Variants in KCNQ1 observed in about 807,000 individuals in gnomAD.
The protein encoded by KCNQ1 is potassium voltage-gated channel subfamily Q member 1, also known as potassium voltage-gated channel subfamily KQT member 1.
A neutral mutation model predicts 72.4 loss-of-function variants in KCNQ1; 49 were observed. The ratio of observed to expected loss-of-function variants is 0.68; its 90% CI spans 0.54 to 0.86. The LOEUF (loss-of-function observed/expected upper bound fraction) is 0.86, where lower values mean the gene tolerates loss of function less well. Among genes scored for constraint, KCNQ1 ranks in the 40% least tolerant of loss-of-function variants. KCNQ1 has a pLI of 0.00. For synonymous variants in KCNQ1, 450 were observed against 412.6 expected, an observed-to-expected ratio of 1.09 and a Z score of -1.10; for missense variants, 790 against 945.1, an observed-to-expected ratio of 0.84 and a Z score of 2.15.
chr11:2,625,866 GC>G (rs1849253899), intron 10 of KCNQ1: 1 of 398,498 alleles, frequency 2.5e-6, no homozygotes. Context: ...ACCGTGCCTG[GC>G]CCTTTTGCCC....
intron 2 of KCNQ1, among the ~76,000 whole-genome samples, chr11:2,533,879 T>G (rs1026150213): frequency 6.6e-6 from 1 of 152,170 alleles, no homozygotes; most frequent in Non-Finnish European, 1.5e-5. Context: ...AGTCCGCGCC[T>G]TTGGTGGTGA....
At chr11:2,470,620 A>G (rs1464074784) in intron 1 of KCNQ1, among the ~76,000 whole-genome samples, 1 of 150,276 alleles carries the variant, frequency 6.7e-6, no homozygotes, top group Non-Finnish European at 1.5e-5. Flanking sequence ...TACGTATCCA[A>G]CCGCACATCC....
rs1847288541 is a variant in KCNQ1, at chr11:2,516,324, C to A, written c.387-11604C>A. ...TTTAGAGGCGACAGGAGGAGGTGGG[C>A]TTTAAATGGCTCAGTCCCAGCGTCC... is the stretch of plus-strand genomic sequence containing the variant. On this transcript the variant is annotated intron_variant, in intron 1 of 15. Coordinates refer to ENST00000155840, the MANE Select transcript of KCNQ1 (RefSeq NM_000218.3). The surrounding 1 kb of genome is among the most constrained non-coding windows in gnomAD (Gnocchi z 7.0). Among the ~76,000 whole-genome samples, 1 of 152,080 alleles carries A rather than the reference C, an allele frequency of 6.6e-6. No homozygotes were observed. Among genetic ancestry groups the A allele is most frequent in the Non-Finnish European group, 1.5e-5 (1 of 68,016 alleles).
intron 11 of KCNQ1, among the ~76,000 whole-genome samples, chr11:2,738,937 G>A (rs1846002554): frequency 6.6e-6 from 1 of 152,232 alleles, no homozygotes; most frequent in African/African-American, 2.4e-5. Context: ...GCGAGGTGCA[G>A]GCTGTCACTC....
At position 2,515,646 on chromosome 11, in the gene KCNQ1, A is replaced by G. The variant is rs1383829957; in HGVS notation, c.387-12282A>G. ...TCCTCACCCTAGGCAGGCCTCTCAC[A>G]GAGACAAGACGAGTGTCCTAGGGCA... On this transcript the variant is annotated intron_variant, in intron 1 of 15. Transcript: ENST00000155840. This position sits in a 1 kb window ranked among gnomAD's most constrained non-coding sequence, Gnocchi z 4.7. 6.6e-6 allele frequency among the ~76,000 whole-genome samples: 1 copy of G among 152,134 alleles called. No individual in the cohort carries two copies. Among genetic ancestry groups the G allele is most frequent in the African/African-American group, 2.4e-5 (1 of 41,408 alleles).
chr11:2,749,941 C>T (rs1420167138), intron 11 of KCNQ1, among the ~76,000 whole-genome samples: 1 of 147,860 alleles, frequency 6.8e-6, no homozygotes, highest in African/African-American at 2.5e-5. Flanking sequence ...GCCTGGGCAA[C>T]AGAGTGAGAC....
intron 1 of KCNQ1, chr11:2,461,497 T>C (rs1481656658): frequency 7.6e-7 from 1 of 1,307,730 alleles, no homozygotes; most frequent in Admixed American, 2.2e-5. Flanking sequence ...GGGAAGGCAC[T>C]GTCTTTGCGC....
rs1436495580 is a variant in KCNQ1, at chr11:2,787,458, A to C, written c.1794+9421A>C. 6.6e-6 allele frequency among the ~76,000 whole-genome samples: 1 copy of C among 152,082 alleles called. No homozygotes were observed. The highest frequency in any genetic ancestry group is 1.5e-5 in the Non-Finnish European group (1 of 68,016). On this transcript the variant is annotated intron_variant, in intron 15 of 15. Coordinates refer to ENST00000155840, the MANE Select transcript of KCNQ1 (RefSeq NM_000218.3). The surrounding 1 kb of genome is among the most constrained non-coding windows in gnomAD (Gnocchi z 6.3). ...CTATTACCTCTGGGGTTCCACTTTC[A>C]CTGAGTTTTCAGCCTCTAACCTCCC... is the stretch of plus-strand genomic sequence containing the variant.
rs1394292945 is a variant in KCNQ1 at position 2,498,230 on chromosome 11, G to C, written c.387-29698G>C. Among the ~76,000 whole-genome samples, 1 of 152,202 alleles carries C rather than the reference G, an allele frequency of 6.6e-6. No individual in the cohort carries two copies. The highest frequency in any genetic ancestry group is 1.5e-5 in the Non-Finnish European group (1 of 68,038). On this transcript the variant is annotated intron_variant, in intron 1 of 15. Coordinates refer to ENST00000155840, the MANE Select transcript of KCNQ1 (RefSeq NM_000218.3). The surrounding 1 kb of genome is among the most constrained non-coding windows in gnomAD (Gnocchi z 4.8). ...GCGAGAATCCCCCTTGTCAGGATCA[G>C]CTGCTCTCTTCAGAGCCAGCAGGCA...
At chr11:2,845,181 C>T (rs1338174534) in intron 15 of KCNQ1, among the ~76,000 whole-genome samples, 2 of 152,198 alleles carry the variant, frequency 1.3e-5, no homozygotes, top group East Asian at 1.9e-4. Flanking sequence ...AAGAACGAGA[C>T]CTCAGGCCGG....
At chr11:2,525,400 C>A (rs1446775260) in intron 1 of KCNQ1, among the ~76,000 whole-genome samples, 1 of 152,228 alleles carries the variant, frequency 6.6e-6, no homozygotes, top group African/African-American at 2.4e-5. Context: ...TCTGCATCCA[C>A]CGCGTGCTAG....
intron 10 of KCNQ1, chr11:2,644,153 G>T: frequency 5.0e-6 from 2 of 398,584 alleles, no homozygotes; most frequent in Non-Finnish European, 8.8e-6. Context: ...AGATTGGGAA[G>T]TGTTCAGGTA....
At chr11:2,842,096 C>T (rs991354516) in intron 15 of KCNQ1, among the ~76,000 whole-genome samples, 1 of 152,174 alleles carries the variant, frequency 6.6e-6, no homozygotes, top group African/African-American at 2.4e-5. Context: ...CAACAGACAC[C>T]AGGGACAGAG....
Position 2,848,466 on chromosome 11 carries a change from C to T in KCNQ1, c.*463C>T, listed in dbSNP as rs1204085942. On this transcript the variant is annotated 3_prime_UTR_variant, in exon 16 of 16. Transcript: ENST00000155840. ...GCACAGGCAGGGCAGGACCAGCCCA[C>T]GCTGACTACAGGGCCGCCGGCAATA... The T allele has an allele frequency of 8.7e-6, 4 of 460,660 alleles. No individual in the cohort carries two copies. Among genetic ancestry groups the T allele is most frequent in the East Asian group, 6.8e-5 (1 of 14,748 alleles). The allele number at this position is 460,660 out of a possible 1,614,324, so 28.5% of individuals were successfully genotyped here.
rs1159457453 is a variant in KCNQ1 at position 2,488,661 on chromosome 11, TA to T, written c.387-39266del. On this transcript the variant is annotated intron_variant, in intron 1 of 15. Coordinates refer to ENST00000155840, the MANE Select transcript of KCNQ1 (RefSeq NM_000218.3). This position sits in a 1 kb window ranked among gnomAD's most constrained non-coding sequence, Gnocchi z 5.1. Reference sequence around the variant, plus strand: ...TACACAATTGTTCACAATACTCTCTTATAATCCTTTTTATTTCTGTAGAATT... The same window carrying T: ...TACACAATTGTTCACAATACTCTCTTTAATCCTTTTTATTTCTGTAGAATT... Among the ~76,000 whole-genome samples, 1 of 152,220 alleles carries T rather than the reference TA, an allele frequency of 6.6e-6. No individual in the cohort carries two copies. The highest frequency in any genetic ancestry group is 1.5e-5 in the Non-Finnish European group (1 of 68,034).
rs1186043440 is a variant in KCNQ1 at position 2,549,186 on chromosome 11, T to C, written c.477+21168T>C. Among the ~76,000 whole-genome samples, 1 of 152,108 alleles carries C rather than the reference T, an allele frequency of 6.6e-6. No individual in the cohort carries two copies. The highest frequency in any genetic ancestry group is 1.5e-5 in the Non-Finnish European group (1 of 68,006). On this transcript the variant is annotated intron_variant, in intron 2 of 15. Transcript: ENST00000155840. This position sits in a 1 kb window ranked among gnomAD's most constrained non-coding sequence, Gnocchi z 6.2. ...ATGATGATGTCTCAACCATGTGGCT[T>C]TAGGTCCCCAGCACGTGCTAGTGGC...
rs1407307591 is a variant in KCNQ1, at chr11:2,695,756, A to C, written c.1514+33675A>C. The C allele has an allele frequency of 2.5e-6, 1 of 398,546 alleles. No homozygotes were observed. Among genetic ancestry groups the C allele is most frequent in the Non-Finnish European group, 4.4e-6 (1 of 226,080 alleles). The allele number at this position is 398,546 out of a possible 1,614,324, so 24.7% of individuals were successfully genotyped here. On this transcript the variant is annotated intron_variant, in intron 11 of 15. Coordinates refer to ENST00000155840, the MANE Select transcript of KCNQ1 (RefSeq NM_000218.3). This position sits in a 1 kb window ranked among gnomAD's most constrained non-coding sequence, Gnocchi z 5.2. ...GGAGGCTTGTTCCTTGCCTTCTGCC[A>C]ACACTTGGCCTTATCCTACTTTCTA...
intron 6 of KCNQ1, 87 bp from the exon 7 acceptor site, chr11:2,583,348 C>A: frequency 1.1e-6 from 1 of 908,232 alleles, no homozygotes; most frequent in Non-Finnish European, 1.9e-6. Flanking sequence ...CCTCTCCGCT[C>A]ATCAGAGTGG....
intron 15 of KCNQ1, among the ~76,000 whole-genome samples, chr11:2,780,947 C>G (rs1203793658): frequency 6.6e-6 from 1 of 152,180 alleles, no homozygotes; most frequent in East Asian, 1.9e-4. Flanking sequence ...TTCCAGGGAT[C>G]CCTTCCACCC....
Sources: allele counts gnomAD v4.1 joint callset (sites outside exome capture counted in the v4.1 genomes callset), GRCh38; gene constraint gnomAD v4.1.1; non-coding constraint Gnocchi (gnomAD v3.1); transcripts MANE v1.5; gene names NCBI Gene and HGNC (gene_info 2026-07-23, HGNC 2026-07-21).